ZNF416: variants seen among roughly 807,000 people sequenced by gnomAD.
ZNF416 encodes zinc finger protein 416.
ZNF416 carries 5 observed loss-of-function variants against 10.9 expected under a neutral mutation model. The observed-to-expected ratio is 0.46, with a 90% CI of 0.24 to 0.97. ZNF416 has a LOEUF of 0.97. Among genes scored for constraint, ZNF416 ranks in the 50% least tolerant of loss-of-function variants. The pLI, the probability that ZNF416 is intolerant of heterozygous loss-of-function variation, is 0.19. For missense variants in ZNF416, 675 were observed against 715.0 expected, an observed-to-expected ratio of 0.94 and a Z score of 0.64; for synonymous variants, 267 against 251.8, an observed-to-expected ratio of 1.06 and a Z score of -0.57.
rs752991103 is a variant in ZNF416, at chr19:57,573,552, G to A, written c.352C>T (p.His118Tyr). ...MCVPFLTDILHLTDLPGQELY... is the reference protein window; with the variant it reads ...MCVPFLTDILYLTDLPGQELY... ...TCCTGCCCAGGCAAATCGGTCAGGT[G>A]CAAAATGTCGGTCAGGAATGGGACA... The change falls in exon 4 of 4, where the codon CAC becomes TAC. Residue 118 changes from histidine to tyrosine, a missense_variant. His to Tyr is a moderately conservative substitution (Grantham distance 83, BLOSUM62 2). Transcript: ENST00000196489. The A allele has an allele frequency of 1.2e-6, 2 of 1,614,092 alleles. No individual in the cohort carries two copies. The highest frequency in any genetic ancestry group is 4.5e-5 in the East Asian group (2 of 44,896).
chr19:57,571,662 G>C lies in ZNF416; in HGVS notation c.*457C>G, dbSNP rs145545300. The C allele has an allele frequency of 6.3e-6, 1 of 158,720 alleles. No homozygotes were observed. Among genetic ancestry groups the C allele is most frequent in the East Asian group, 1.8e-4 (1 of 5,586 alleles). 9.8% of individuals were successfully genotyped at this position (158,720 alleles called of 1,614,324 possible). A position where few individuals can be genotyped will look rare whatever the true frequency, so the allele number is the denominator to read the frequency against. ...ACTTGGAGGCTGGAAAAACTACCAA[G>C]TGTTGTGTGAAAACAAGAATTTCCA... On this transcript the variant is annotated 3_prime_UTR_variant, in exon 4 of 4. Coordinates refer to ENST00000196489, the MANE Select transcript of ZNF416 (RefSeq NM_017879.3).
At position 57,576,740 on chromosome 19, in the gene ZNF416, G is replaced by C. The variant is rs78694993; in HGVS notation, c.76-810C>G. On this transcript the variant is annotated intron_variant, in intron 2 of 3. Transcript: ENST00000196489. Reference sequence around the variant, plus strand: ...CCCAATAACTCCCAGATGACCACCTGTGCCCCTCAACTTATCCACCTCCCT... The same window carrying C: ...CCCAATAACTCCCAGATGACCACCTCTGCCCCTCAACTTATCCACCTCCCT... Among the ~76,000 whole-genome samples the C allele has an allele frequency of 3.6e-3, 551 of 152,106 alleles. 10 individuals are homozygous for C. Among genetic ancestry groups the C allele is most frequent in the African/African-American group, 0.013 (538 of 41,490 alleles).
Position 57,575,108 on chromosome 19 carries a change from A to G in ZNF416, c.202+696T>C, listed in dbSNP as rs967858978. On this transcript the variant is annotated intron_variant, in intron 3 of 3. Coordinates refer to ENST00000196489, the MANE Select transcript of ZNF416 (RefSeq NM_017879.3). The surrounding 1 kb of genome is among the most constrained non-coding windows in gnomAD (Gnocchi z 4.4). ...AGATGTGTCCAGTGGCATTAGCACC[A>G]AACTCTGGATGACACAGGGCAAATT... is the stretch of plus-strand genomic sequence containing the variant. Among the ~76,000 whole-genome samples, 1 of 152,170 alleles carries G rather than the reference A, an allele frequency of 6.6e-6. No individual in the cohort carries two copies. The highest frequency in any genetic ancestry group is 2.4e-5 in the African/African-American group (1 of 41,434).
rs190990312 is a variant in ZNF416, at chr19:57,575,081, T to C, written c.202+723A>G. Among the ~76,000 whole-genome samples, 15 of 152,146 alleles carry C rather than the reference T, an allele frequency of 9.9e-5. 1 individual carries two copies. On this transcript the variant is annotated intron_variant, in intron 3 of 3. Coordinates refer to ENST00000196489, the MANE Select transcript of ZNF416 (RefSeq NM_017879.3). The surrounding 1 kb of genome is among the most constrained non-coding windows in gnomAD (Gnocchi z 4.4). The stretch of plus-strand genomic sequence containing the variant: ...AAGGAAGAGGAAGAAAACATAGAAA[T>C]GAGATGTGTCCAGTGGCATTAGCAC...
intron 1 of ZNF416, 40 bp from the exon 2 acceptor site, chr19:57,578,138 G>T (rs375151810): frequency 1.5e-5 from 24 of 1,611,790 alleles, no homozygotes; most frequent in Admixed American, 6.7e-5. Flanking sequence ...GGTAACTATG[G>T]TGGAAGCTCC....
In ZNF416 at chr19:57,578,727, C is replaced by G. The variant is rs1978647996; in HGVS notation, c.-23G>C. On this transcript the variant is annotated 5_prime_UTR_variant, in exon 1 of 4. Coordinates refer to ENST00000196489, the MANE Select transcript of ZNF416 (RefSeq NM_017879.3). ...CATCGGATTGTGAGCGGAGCGGGGC[C>G]GGGAGCGGCGGGCGACCCGGGGCGG... 1.4e-6 allele frequency: 2 copies of G among 1,464,494 alleles called. No homozygotes were observed. Among genetic ancestry groups the G allele is most frequent in the Non-Finnish European group, 1.8e-6 (2 of 1,103,694 alleles). 90.7% of individuals were successfully genotyped at this position (1,464,494 alleles called of 1,614,324 possible). A position where few individuals can be genotyped will look rare whatever the true frequency, so the allele number is the denominator to read the frequency against.
chr19:57,578,610 C>T, intron 1 of ZNF416, 62 bp downstream of exon 1: 1 of 1,472,754 alleles, frequency 6.8e-7, no homozygotes, highest in Non-Finnish European at 9.0e-7. Context: ...AGGCGCCCCT[C>T]ATGCAGGGTG....
chr19:57,573,963 G>A (rs954875801), intron 3 of ZNF416, among the ~76,000 whole-genome samples: 7 of 152,158 alleles, frequency 4.6e-5, no homozygotes, highest in African/African-American at 1.4e-4. Context: ...GGCAGAGGTT[G>A]CAGTGAGCCC....
At position 57,575,522 on chromosome 19, in the gene ZNF416, G is replaced by A. The variant is rs968122798; in HGVS notation, c.202+282C>T. 6.6e-6 allele frequency among the ~76,000 whole-genome samples: 1 copy of A among 152,154 alleles called. No homozygotes were observed. The highest frequency in any genetic ancestry group is 2.4e-5 in the African/African-American group (1 of 41,428). ...TAGGAGGCAGAATTTGAGACACAAA[G>A]TACCATGAATATGGACACAGCCACC... On this transcript the variant is annotated intron_variant, in intron 3 of 3. Transcript: ENST00000196489. The surrounding 1 kb of genome is among the most constrained non-coding windows in gnomAD (Gnocchi z 4.4).
chr19:57,573,701 A>C lies in ZNF416; in HGVS notation c.203T>G (p.Val68Gly). The C allele has an allele frequency of 6.2e-7, 1 of 1,606,364 alleles. No homozygotes were observed. Among genetic ancestry groups the C allele is most frequent in the Middle Eastern group, 1.7e-4 (1 of 6,014 alleles). ...LENFALITAL[V>G]CWHGMEDEET... ...TTCATCCTCCATCCCATGCCAACAA[A>C]CTGAAAGCAGAGAAACACTGATGAA... The change falls in exon 4 of 4, where the codon GTT becomes GGT. Residue 68 changes from valine to glycine, a missense_variant and splice_region_variant. Coordinates refer to ENST00000196489, the MANE Select transcript of ZNF416 (RefSeq NM_017879.3).
Position 57,575,868 on chromosome 19 carries a change from A to G in ZNF416, c.138T>C (p.Asp46=). ...YFSQEEWGLL[D]EAQRLLYRDV... ...CGCGGTACAGGAGCCTCTGAGCCTC[A>G]TCAAGGAGCCCCCATTCTTCCTGGG... The change falls in exon 3 of 4, where the codon GAT becomes GAC. Residue 46 remains aspartate, a synonymous_variant. Transcript: ENST00000196489. This position sits in a 1 kb window ranked among gnomAD's most constrained non-coding sequence, Gnocchi z 4.4. 1 of 1,614,122 alleles carries G rather than the reference A, an allele frequency of 6.2e-7. No homozygotes were observed. Among genetic ancestry groups the G allele is most frequent in the South Asian group, 1.1e-5 (1 of 91,084 alleles).
At position 57,575,760 on chromosome 19, in the gene ZNF416, G is replaced by A. The variant is rs769090514; in HGVS notation, c.202+44C>T. On this transcript the variant is annotated intron_variant, in intron 3 of 3. Transcript: ENST00000196489. This position sits in a 1 kb window ranked among gnomAD's most constrained non-coding sequence, Gnocchi z 4.4. ...CAGAGCTGCCTCTGAGGAAAAAGAGGATAGACGAAGACCAGGACACGAGAG... is the reference window on the plus strand; with the variant it reads ...CAGAGCTGCCTCTGAGGAAAAAGAGAATAGACGAAGACCAGGACACGAGAG... The A allele has an allele frequency of 6.2e-7, 1 of 1,613,360 alleles. No individual in the cohort carries two copies. The highest frequency in any genetic ancestry group is 1.7e-5 in the Admixed American group (1 of 59,996).
At position 57,575,939 on chromosome 19, in the gene ZNF416, A is replaced by G. The variant is rs1461790823; in HGVS notation, c.76-9T>C. On this transcript the variant is annotated splice_polypyrimidine_tract_variant and intron_variant, in intron 2 of 3. Transcript: ENST00000196489. This position sits in a 1 kb window ranked among gnomAD's most constrained non-coding sequence, Gnocchi z 4.4. ...TCAAAGGTCACACAGCCCTGCCATG[A>G]TGGGGATAGATCTTTCCATGATCAG... 1 of 1,613,120 alleles carries G rather than the reference A, an allele frequency of 6.2e-7. No homozygotes were observed. The highest frequency in any genetic ancestry group is 2.2e-5 in the East Asian group (1 of 44,852).
Position 57,573,009 on chromosome 19 carries a change from C to T in ZNF416, c.895G>A (p.Val299Met). ...AATGATTTCCCACACTGACCACACA[C>T]ATAAGGCCTTTCTCCAGTGTGGATT... ...RRIHTGERPY[V>M]CGQCGKSFSQ... Residue 299 changes from valine to methionine, a missense_variant, in exon 4 of 4, where the codon GTG (valine) becomes ATG (methionine). Transcript: ENST00000196489. The T allele has an allele frequency of 6.2e-7, 1 of 1,614,246 alleles. No homozygotes were observed. The highest frequency in any genetic ancestry group is 8.5e-7 in the Non-Finnish European group (1 of 1,180,044).
At position 57,571,641 on chromosome 19, in the gene ZNF416, GGAGGCTGGAAAAACTACCAAGTGTT is replaced by G. The variant is rs549063120; in HGVS notation, c.*453_*477del. ...GCAGCCAGTTACTAGGTGGTGACTT[GGAGGCTGGAAAAACTACCAAGTGTT>G]GTGTGAAAACAAGAATTTCCATGAA... On this transcript the variant is annotated 3_prime_UTR_variant, in exon 4 of 4. Coordinates refer to ENST00000196489, the MANE Select transcript of ZNF416 (RefSeq NM_017879.3). 1,138 of 158,978 alleles carry G rather than the reference GGAGGCTGGAAAAACTACCAAGTGTT, an allele frequency of 7.2e-3. 7 individuals are homozygous for G. The highest frequency in any genetic ancestry group is 0.017 in the Middle Eastern group (5 of 296). 9.8% of individuals were successfully genotyped at this position (158,978 alleles called of 1,614,324 possible). A position where few individuals can be genotyped will look rare whatever the true frequency, so the allele number is the denominator to read the frequency against.
intron 1 of ZNF416, 131 bp from the exon 2 acceptor site, chr19:57,578,229 G>C: frequency 5.7e-6 from 5 of 873,566 alleles, no homozygotes; most frequent in Non-Finnish European, 9.3e-6. Context: ...TTGCTCCTCA[G>C]TTCCGTGTGA....
At chr19:57,577,524 C>T (rs779619494) in intron 2 of ZNF416, among the ~76,000 whole-genome samples, 2 of 152,164 alleles carry the variant, frequency 1.3e-5, no homozygotes, top group Non-Finnish European at 2.9e-5. Flanking sequence ...CAAGTCCAGC[C>T]ACCAGTAACA....
Position 57,572,030 on chromosome 19 carries a change from C to T in ZNF416, c.*89G>A. 1 of 1,505,970 alleles carries T rather than the reference C, an allele frequency of 6.6e-7. No individual in the cohort carries two copies. Among genetic ancestry groups the T allele is most frequent in the South Asian group, 1.3e-5 (1 of 74,732 alleles). The allele number at this position is 1,505,970 out of a possible 1,614,324, so 93.3% of individuals were successfully genotyped here. A position where few individuals can be genotyped will look rare whatever the true frequency, so the allele number is the denominator to read the frequency against. Reference sequence around the variant, plus strand: ...TAACTTTAGGCAGACGGCTCCTTCACAAAGGCTCTCTATAGCCATAACACT... The same window carrying T: ...TAACTTTAGGCAGACGGCTCCTTCATAAAGGCTCTCTATAGCCATAACACT... On this transcript the variant is annotated 3_prime_UTR_variant, in exon 4 of 4. Coordinates refer to ENST00000196489, the MANE Select transcript of ZNF416 (RefSeq NM_017879.3). The surrounding 1 kb of genome is among the most constrained non-coding windows in gnomAD (Gnocchi z 4.5).
rs922576365 is a variant in ZNF416 at position 57,578,426 on chromosome 19, T to C, written c.33+246A>G. The C allele has an allele frequency of 3.1e-5, 17 of 542,842 alleles. No individual in the cohort carries two copies. In the Admixed American group the frequency reaches 5.0e-4, roughly 16 times the overall value. The allele number at this position is 542,842 out of a possible 1,614,324, so 33.6% of individuals were successfully genotyped here. On this transcript the variant is annotated intron_variant, in intron 1 of 3. Transcript: ENST00000196489. ...CGTCTTGAAAAGAAAGAGCCTCATT[T>C]TACCATTCGGGCGTGAACGTTACTG...
Sources: gnomAD v4.1 joint callset for allele counts (sites outside exome capture counted in the v4.1 genomes callset) on GRCh38, gnomAD v4.1.1 for gene constraint, Gnocchi (gnomAD v3.1) non-coding constraint, MANE v1.5 for transcripts, NCBI Gene and HGNC (gene_info 2026-07-23, HGNC 2026-07-21) for gene names.